PLXNA4: variants seen among roughly 807,000 people sequenced by gnomAD.
PLXNA4 encodes plexin A4, also known as plexin-A4.
In PLXNA4, 44 loss-of-function variants were observed where a neutral mutation model predicts 191.8. That is an observed-to-expected ratio of 0.23 (90% CI 0.18 to 0.29). PLXNA4 has a LOEUF of 0.29. Among genes scored for constraint, PLXNA4 ranks in the 10% least tolerant of loss-of-function variants. The probability of loss-of-function intolerance (pLI) is 1.00; values close to 1 mark genes in which losing one functional copy is unlikely to be tolerated. For synonymous variants in PLXNA4, 1,082 were observed against 1,009.5 expected (o/e 1.07, Z -1.36); for missense variants, 1,800 against 2,488.8 (o/e 0.72, Z 5.89).
intron 1 of PLXNA4, among the ~76,000 whole-genome samples, chr7:132,516,026 T>C (rs888604791): frequency 4.6e-5 from 7 of 152,136 alleles, no homozygotes; most frequent in Non-Finnish European, 1.0e-4. Context: ...CGTGAATGAA[T>C]GAATGAATGA....
At chr7:132,148,086 A>G in intron 26 of PLXNA4, 87 bp from the exon 27 acceptor site, 1 of 1,599,332 alleles carries the variant, frequency 6.3e-7, no homozygotes, top group Non-Finnish European at 8.5e-7. Context: ...CTTGGCACTA[A>G]GGGGAAATTG....
At chr7:132,198,896 T>C (rs1562915684) in intron 12 of PLXNA4, among the ~76,000 whole-genome samples, 1 of 152,202 alleles carries the variant, frequency 6.6e-6, no homozygotes, top group South Asian at 2.1e-4. Context: ...GATGAGAGGA[T>C]GGAACATGAC....
rs190663539 is a variant in PLXNA4, at chr7:132,227,770, G to A, written c.1729-166C>T. Reference sequence around the variant, plus strand: ...AGAGACTCAGGTTATTAGGAGAGTGGCACAGAGGCCGTGGTGAGATGCAAA... The same window carrying A: ...AGAGACTCAGGTTATTAGGAGAGTGACACAGAGGCCGTGGTGAGATGCAAA... On this transcript the variant is annotated intron_variant, in intron 6 of 31. Transcript: ENST00000321063. 2.0e-4 allele frequency among the ~76,000 whole-genome samples: 31 copies of A among 152,308 alleles called. 1 individual carries two copies. The highest frequency in any genetic ancestry group is 1.8e-3 in the Admixed American group (27 of 15,296).
chr7:132,212,460 A>T (rs980751423), intron 9 of PLXNA4, among the ~76,000 whole-genome samples: 3 of 152,136 alleles, frequency 2.0e-5, no homozygotes, highest in African/African-American at 7.2e-5. Flanking sequence ...AGAAGGCTTG[A>T]ACTAACTCTA....
chr7:132,606,281 A>G (rs1207918007), intron 2 of PLXNA4, among the ~76,000 whole-genome samples: 1 of 152,244 alleles, frequency 6.6e-6, no homozygotes, highest in African/African-American at 2.4e-5. Context: ...CCTTGATTTT[A>G]GAATTCCAGC....
At chr7:132,629,956 TCTC>T (rs1273287122) in intron 2 of PLXNA4, among the ~76,000 whole-genome samples, 11 of 152,240 alleles carry the variant, frequency 7.2e-5, no homozygotes, top group African/African-American at 2.4e-4. Context: ...TTCATGCCAT[TCTC>T]CTGCCTCAGC....
chr7:132,169,152 T>C (rs541582172), intron 21 of PLXNA4, among the ~76,000 whole-genome samples: 73 of 152,266 alleles, frequency 4.8e-4, no homozygotes, highest in Non-Finnish European at 8.1e-4. Context: ...ATCCACATGA[T>C]AAAAAGGGAA....
Position 132,202,780 on chromosome 7 carries a change from C to T in PLXNA4, c.2452G>A (p.Asp818Asn). The T allele has an allele frequency of 6.2e-7, 1 of 1,611,818 alleles. No individual in the cohort carries two copies. The highest frequency in any genetic ancestry group is 8.5e-7 in the Non-Finnish European group (1 of 1,178,938). The change falls in exon 12 of 32, where the codon GAC (aspartate) becomes AAC (asparagine). Residue 818 changes from aspartate (D) to asparagine (N), a missense_variant. Asp to Asn is a conservative substitution (Grantham distance 23, BLOSUM62 1). Coordinates refer to ENST00000321063, the MANE Select transcript of PLXNA4 (RefSeq NM_020911.2). Reference sequence around the variant, plus strand: ...CACCAGCCACATGCGAAGTCTGGGTCAGCCTTGAGGCACAGCCCGCAGCTC... The same window carrying T: ...CACCAGCCACATGCGAAGTCTGGGTTAGCCTTGAGGCACAGCCCGCAGCTC... ...RESCGLCLKA[D>N]PDFACGWCQG...
intron 4 of PLXNA4, among the ~76,000 whole-genome samples, chr7:132,288,976 G>A (rs1375718825): frequency 1.3e-5 from 2 of 152,296 alleles, no homozygotes; most frequent in East Asian, 3.9e-4. Flanking sequence ...TCATCACACA[G>A]GGGGTCCCTG....
chr7:132,370,328 G>A (rs1487624241), intron 3 of PLXNA4, among the ~76,000 whole-genome samples: 1 of 152,186 alleles, frequency 6.6e-6, no homozygotes, highest in African/African-American at 2.4e-5. Flanking sequence ...AGTAGAGGCA[G>A]CCATCTGGGG....
intron 2 of PLXNA4, among the ~76,000 whole-genome samples, chr7:132,606,628 G>T (rs1802928687): frequency 6.6e-6 from 1 of 152,026 alleles, no homozygotes; most frequent in Non-Finnish European, 1.5e-5. Flanking sequence ...GAACAGATTT[G>T]CATTTCCAAA....
rs751892082 is a variant in PLXNA4, at chr7:132,203,333, A to T, written c.2385T>A (p.Ala795=). Residue 795 remains alanine (A), a synonymous_variant, in exon 11 of 32, where the codon GCT becomes GCA. Coordinates refer to ENST00000321063, the MANE Select transcript of PLXNA4 (RefSeq NM_020911.2). ...WNGHFNIDNP[A]QNKVHLYKCG... ...CCAGCCCTTCCACACCTTTATTCTG[A>T]GCTGGGTTGTCAATGTTGAAGTGCC... 3 of 1,611,506 alleles carry T rather than the reference A, an allele frequency of 1.9e-6. No individual in the cohort carries two copies. Among genetic ancestry groups the T allele is most frequent in the Admixed American group, 3.3e-5 (2 of 59,996 alleles).
chr7:132,593,958 G>A (rs1183411267), intron 2 of PLXNA4, among the ~76,000 whole-genome samples: 2 of 152,206 alleles, frequency 1.3e-5, no homozygotes. Context: ...CAGTGATGAA[G>A]GGAGCTCCGG....
intron 2 of PLXNA4, among the ~76,000 whole-genome samples, chr7:132,614,626 AG>A (rs1803116035): frequency 6.6e-6 from 1 of 152,248 alleles, no homozygotes; most frequent in South Asian, 2.1e-4. Context: ...CACCAGACGC[AG>A]GCCCCAGCAA....
At chr7:132,334,863 G>A (rs1231207006) in intron 3 of PLXNA4, among the ~76,000 whole-genome samples, 1 of 152,014 alleles carries the variant, frequency 6.6e-6, no homozygotes, top group African/African-American at 2.4e-5. Context: ...CTCTCCCCAG[G>A]GTCTAATCAT....
At chr7:132,515,463 C>A (rs551346625) in intron 1 of PLXNA4, among the ~76,000 whole-genome samples, 65 of 152,292 alleles carry the variant, frequency 4.3e-4, no homozygotes, top group Non-Finnish European at 7.6e-4. Flanking sequence ...AACCTATACA[C>A]AGAAAAATCC....
intron 3 of PLXNA4, among the ~76,000 whole-genome samples, chr7:132,329,460 G>C (rs540544601): frequency 6.6e-6 from 1 of 152,174 alleles, no homozygotes; most frequent in South Asian, 2.1e-4. Flanking sequence ...GCTCAGCCCT[G>C]TGCCTGCCAG....
intron 3 of PLXNA4, among the ~76,000 whole-genome samples, chr7:132,408,542 C>A (rs1157063573): frequency 1.3e-5 from 2 of 152,050 alleles, no homozygotes; most frequent in Non-Finnish European, 1.5e-5. Flanking sequence ...TGGCTCACTG[C>A]AAACTCTACC....
At chr7:132,406,266 G>A (rs1306630716) in intron 3 of PLXNA4, among the ~76,000 whole-genome samples, 2 of 152,172 alleles carry the variant, frequency 1.3e-5, no homozygotes, top group Non-Finnish European at 2.9e-5. Flanking sequence ...CCACACAATG[G>A]TCTGAGTATT....
Sources: gnomAD v4.1 joint callset for allele counts (sites outside exome capture counted in the v4.1 genomes callset) on GRCh38, gnomAD v4.1.1 for gene constraint, MANE v1.5 for transcripts, NCBI Gene and HGNC (gene_info 2026-07-23, HGNC 2026-07-21) for gene names.